The following DLG2 variants were observed in gnomAD, a reference collection of about 807,000 sequenced individuals.
The protein encoded by DLG2 is disks large homolog 2.
DLG2 carries 45 observed loss-of-function variants against 132.5 expected under a neutral mutation model. The observed-to-expected ratio is 0.34, with a 90% confidence interval of 0.27 to 0.44. DLG2 has a LOEUF of 0.44. Ranked by LOEUF, DLG2 falls within the 20% of genes least tolerant of loss-of-function variation. DLG2 has a pLI of 1.00. For synonymous variants in DLG2, 424 were observed against 419.6 expected (o/e 1.01, Z -0.13); for missense variants, 1,045 against 1,196.9 (o/e 0.87, Z 1.87).
chr11:84,243,017 C>CTCTA (rs542476924), intron 8 of DLG2, among the ~76,000 whole-genome samples: 5,403 of 142,028 alleles, frequency 0.038, 128 homozygotes, highest in South Asian at 0.069. Flanking sequence ...CTCTCTCTCT[C>CTCTA]TATATATATA....
At chr11:84,564,531 T>TACC (rs977488796) in intron 6 of DLG2, among the ~76,000 whole-genome samples, 6 of 152,184 alleles carry the variant, frequency 3.9e-5, no homozygotes, top group Admixed American at 3.9e-4. Flanking sequence ...AAGCATAAAA[T>TACC]ATCGCTTGTT....
intron 3 of DLG2, among the ~76,000 whole-genome samples, chr11:85,339,854 A>C (rs2082366210): frequency 6.6e-6 from 1 of 152,234 alleles, no homozygotes; most frequent in Admixed American, 6.5e-5. Context: ...TTCTCAAAAG[A>C]AGACATCTAT....
chr11:83,651,802 T>C, intron 18 of DLG2: 1 of 470,838 alleles, frequency 2.1e-6, no homozygotes, highest in Non-Finnish European at 4.4e-6. Flanking sequence ...CAAAACACAC[T>C]TAGAGGATTA....
chr11:85,579,399 A>T (rs1025801331), intron 3 of DLG2, among the ~76,000 whole-genome samples: 4 of 148,946 alleles, frequency 2.7e-5, no homozygotes, highest in East Asian at 1.9e-4. Context: ...AGTTAAATTT[A>T]AAAAAAAAGA....
At chr11:85,228,409 G>A (rs1017282862) in intron 4 of DLG2, among the ~76,000 whole-genome samples, 3 of 152,078 alleles carry the variant, frequency 2.0e-5, no homozygotes, top group African/African-American at 7.2e-5. Flanking sequence ...GCATAAGAGA[G>A]AACACTTCAG....
intron 18 of DLG2, among the ~76,000 whole-genome samples, chr11:83,718,886 G>A (rs541011762): frequency 6.6e-6 from 1 of 152,202 alleles, no homozygotes; most frequent in Admixed American, 6.5e-5. Context: ...CACCAGGCAA[G>A]TGAAGGTCAC....
chr11:84,540,542 C>A (rs2099366028), intron 6 of DLG2, among the ~76,000 whole-genome samples: 2 of 152,104 alleles, frequency 1.3e-5, no homozygotes, highest in Non-Finnish European at 2.9e-5. Flanking sequence ...CAGGAAACAA[C>A]AGGTGCTGGA....
At chr11:84,148,078 C>T (rs949113130) in intron 9 of DLG2, among the ~76,000 whole-genome samples, 25 of 152,036 alleles carry the variant, frequency 1.6e-4, no homozygotes, top group African/African-American at 5.6e-4. Context: ...GTGGCTGATT[C>T]TAGACTCTAA....
chr11:85,190,571 A>T, intron 4 of DLG2, among the ~76,000 whole-genome samples: 1 of 152,196 alleles, frequency 6.6e-6, no homozygotes, highest in East Asian at 1.9e-4. Context: ...CAATGAAACC[A>T]AAAGTTGGTT....
chr11:85,332,709 G>C (rs1349512804), intron 3 of DLG2, among the ~76,000 whole-genome samples: 1 of 152,156 alleles, frequency 6.6e-6, no homozygotes, highest in Non-Finnish European at 1.5e-5. Context: ...TTATTGAATA[G>C]GGAGTACTTT....
chr11:84,947,476 T>A (rs1003143695), intron 6 of DLG2, among the ~76,000 whole-genome samples: 2 of 152,198 alleles, frequency 1.3e-5, no homozygotes, highest in African/African-American at 2.4e-5. Context: ...TCACATAGGA[T>A]GTCCCACTTA....
At chr11:84,860,941 CT>C (rs1027098891) in intron 6 of DLG2, among the ~76,000 whole-genome samples, 1 of 151,740 alleles carries the variant, frequency 6.6e-6, no homozygotes, top group African/African-American at 2.4e-5. Context: ...AGAACATGCA[CT>C]TATTTTTTTA....
chr11:83,935,652 T>C (rs1172809216), intron 14 of DLG2, among the ~76,000 whole-genome samples: 1 of 152,196 alleles, frequency 6.6e-6, no homozygotes, highest in African/African-American at 2.4e-5. Context: ...ACGGGGGCAG[T>C]TGGAGTAGAT....
At chr11:84,844,127 GTGTGTGTGTATATATATATA>G (rs1375866279) in intron 6 of DLG2, among the ~76,000 whole-genome samples, 2 of 25,998 alleles carry the variant, frequency 7.7e-5, no homozygotes, top group African/African-American at 1.2e-4. Context: ...GTGTGTGTGT[GTGTGTGTGTATATATATATA>G]TATATATATA....
intron 2 of DLG2, among the ~76,000 whole-genome samples, chr11:85,612,609 T>G (rs959014705): frequency 1.3e-5 from 2 of 152,174 alleles, no homozygotes; most frequent in Admixed American, 6.5e-5. Context: ...AATCCCAAAC[T>G]TACAAGGTTT....
At chr11:85,608,231 A>G (rs1261806161) in intron 2 of DLG2, among the ~76,000 whole-genome samples, 1 of 152,152 alleles carries the variant, frequency 6.6e-6, no homozygotes, top group African/African-American at 2.4e-5. Flanking sequence ...GGAAACACTC[A>G]GGCATCAAAA....
At chr11:83,767,604 T>C (rs1304577506) in intron 18 of DLG2, among the ~76,000 whole-genome samples, 5 of 152,220 alleles carry the variant, frequency 3.3e-5, no homozygotes, top group Non-Finnish European at 7.3e-5. Context: ...GGGCAAGTTA[T>C]TGAGCCTTTC....
At chr11:83,515,377 C>T (rs2095254464) in intron 21 of DLG2, among the ~76,000 whole-genome samples, 2 of 151,842 alleles carry the variant, frequency 1.3e-5, no homozygotes, top group Non-Finnish European at 2.9e-5. Flanking sequence ...GGTGATATCC[C>T]CTTTATCATT....
At chr11:84,614,185 T>C (rs1235956233) in intron 6 of DLG2, among the ~76,000 whole-genome samples, 3 of 152,294 alleles carry the variant, frequency 2.0e-5, no homozygotes, top group South Asian at 4.1e-4. Flanking sequence ...GGACAGTAAG[T>C]CCAGTAAGTA....
Sources: allele counts gnomAD v4.1 joint callset (sites outside exome capture counted in the v4.1 genomes callset), GRCh38; gene constraint gnomAD v4.1.1; transcripts MANE v1.5; gene names NCBI Gene and HGNC (gene_info 2026-07-23, HGNC 2026-07-21).